Variants in MARCHF1 observed in about 807,000 individuals in gnomAD.
MARCHF1 encodes the protein E3 ubiquitin-protein ligase MARCHF1.
A neutral mutation model predicts 54.2 loss-of-function variants in MARCHF1; 40 were observed. The ratio of observed to expected loss-of-function variants is 0.74; its 90% CI spans 0.57 to 0.96. MARCHF1 has a LOEUF of 0.96. Among genes scored for constraint, MARCHF1 ranks in the 40% least tolerant of loss-of-function variants. MARCHF1 has a pLI of 0.00. For missense variants in MARCHF1, 586 were observed against 656.5 expected (o/e 0.89, Z 1.17); for synonymous variants, 236 against 236.3 (o/e 1.00, Z 0.01).
At position 164,119,908 on chromosome 4, in the gene MARCHF1, ATCAT is replaced by A. The variant is rs1475683907; in HGVS notation, c.-322-8250_-322-8247del. Among the ~76,000 whole-genome samples the A allele has an allele frequency of 9.9e-5, 15 of 152,156 alleles. No homozygotes were observed. In the South Asian group the frequency reaches 2.3e-3, roughly 23 times the overall value. On this transcript the variant is annotated intron_variant, in intron 1 of 9. Coordinates refer to ENST00000514618, the MANE Select transcript of MARCHF1 (RefSeq NM_001394959.1). The stretch of plus-strand genomic sequence containing the variant: ...TCAGATTTTTTCACAAATGAAATCA[ATCAT>A]TCATAGACCTAATAATGCCAATAGT...
intron 1 of MARCHF1, among the ~76,000 whole-genome samples, chr4:164,228,345 A>C (rs1732315653): frequency 6.6e-6 from 1 of 152,210 alleles, no homozygotes; most frequent in Non-Finnish European, 1.5e-5. Flanking sequence ...CTATAGACTG[A>C]ATTAAACACA....
intron 5 of MARCHF1, among the ~76,000 whole-genome samples, chr4:163,641,634 G>A (rs1334130103): frequency 6.6e-6 from 1 of 152,184 alleles, no homozygotes; most frequent in African/African-American, 2.4e-5. Context: ...CCTTTCTGAA[G>A]TCCTAAGAGG....
At chr4:164,304,251 A>C (rs774106295) in intron 1 of MARCHF1, among the ~76,000 whole-genome samples, 3 of 152,224 alleles carry the variant, frequency 2.0e-5, no homozygotes, top group Non-Finnish European at 4.4e-5. Flanking sequence ...ACACAGAACA[A>C]GTTACAGGGG....
intron 1 of MARCHF1, among the ~76,000 whole-genome samples, chr4:164,176,966 C>CCATA (rs1730688881): frequency 2.1e-5 from 1 of 46,736 alleles, no homozygotes; most frequent in Non-Finnish European, 3.8e-5. Flanking sequence ...CTCTCTCTCT[C>CCATA]TCTCTCTCTC....
intron 9 of MARCHF1, among the ~76,000 whole-genome samples, chr4:163,533,207 G>A (rs186544186): frequency 1.3e-5 from 2 of 152,006 alleles, no homozygotes; most frequent in East Asian, 3.9e-4. Context: ...AAAAGGACAC[G>A]AAGAAACCTT....
At chr4:163,731,863 C>T (rs1451299764) in intron 4 of MARCHF1, among the ~76,000 whole-genome samples, 1 of 152,056 alleles carries the variant, frequency 6.6e-6, no homozygotes, top group African/African-American at 2.4e-5. Context: ...GTCAAATGAT[C>T]CAAGAATAAA....
intron 2 of MARCHF1, among the ~76,000 whole-genome samples, chr4:164,002,522 G>A (rs974415240): frequency 6.6e-5 from 10 of 151,248 alleles, no homozygotes; most frequent in Non-Finnish European, 1.2e-4. Context: ...CCAAACCATA[G>A]CGCCAAAAAA....
chr4:164,320,774 T>C (rs1366371933), intron 1 of MARCHF1, among the ~76,000 whole-genome samples: 2 of 151,568 alleles, frequency 1.3e-5, no homozygotes, highest in Non-Finnish European at 2.9e-5. Flanking sequence ...GGATATGTCC[T>C]TAAAATGTGA....
At chr4:163,969,734 A>G (rs1752512558) in intron 3 of MARCHF1, among the ~76,000 whole-genome samples, 2 of 152,336 alleles carry the variant, frequency 1.3e-5, no homozygotes, top group South Asian at 4.1e-4. Flanking sequence ...CATGTAGCTT[A>G]TTAATCAATG....
chr4:163,792,021 G>T (rs922795346), intron 4 of MARCHF1, among the ~76,000 whole-genome samples: 1 of 152,136 alleles, frequency 6.6e-6, no homozygotes, highest in Non-Finnish European at 1.5e-5. Context: ...TAATGGATCT[G>T]GTGCTGAAGC....
chr4:164,365,333 T>A (rs2110938508), intron 1 of MARCHF1, among the ~76,000 whole-genome samples: 1 of 152,214 alleles, frequency 6.6e-6, no homozygotes, highest in Middle Eastern at 3.4e-3. Context: ...TCCATTCGAC[T>A]GTTTTAAATT....
At chr4:163,938,516 C>T (rs1751847524) in intron 3 of MARCHF1, among the ~76,000 whole-genome samples, 1 of 152,086 alleles carries the variant, frequency 6.6e-6, no homozygotes, top group Admixed American at 6.6e-5. Context: ...AATTACGTAG[C>T]CTCTAGCTCT....
intron 1 of MARCHF1, among the ~76,000 whole-genome samples, chr4:164,127,787 A>G (rs1167644792): frequency 1.2e-4 from 18 of 152,192 alleles, no homozygotes; most frequent in Admixed American, 1.2e-3. Flanking sequence ...AATCCAAGGT[A>G]AGACAGAAAT....
At chr4:163,778,882 A>G (rs1438826320) in intron 4 of MARCHF1, among the ~76,000 whole-genome samples, 1 of 152,126 alleles carries the variant, frequency 6.6e-6, no homozygotes, top group Admixed American at 6.6e-5. Context: ...GTATATGATG[A>G]GAGATTATGT....
intron 5 of MARCHF1, among the ~76,000 whole-genome samples, chr4:163,631,693 G>T (rs2036906): frequency 6.6e-6 from 1 of 152,044 alleles, no homozygotes; most frequent in African/African-American, 2.4e-5. Context: ...GTTTAATTAA[G>T]AATATATTTA....
intron 2 of MARCHF1, among the ~76,000 whole-genome samples, chr4:164,076,601 T>C (rs1293794527): frequency 6.6e-6 from 1 of 152,148 alleles, no homozygotes; most frequent in Non-Finnish European, 1.5e-5. Flanking sequence ...AGTCAAATTG[T>C]CTCTGCAGAG....
intron 3 of MARCHF1, among the ~76,000 whole-genome samples, chr4:163,883,258 TGAGAGAGAGA>T (rs55714281): frequency 3.0e-4 from 44 of 145,550 alleles, no homozygotes; most frequent in East Asian, 1.6e-3. Flanking sequence ...TATATATATA[TGAGAGAGAGA>T]GAGAGAGAGA....
intron 5 of MARCHF1, among the ~76,000 whole-genome samples, chr4:163,654,481 C>T (rs1579162065): frequency 6.6e-6 from 1 of 151,630 alleles, no homozygotes; most frequent in East Asian, 1.9e-4. Flanking sequence ...GGCCTCTATT[C>T]CTCTATTTCT....
rs114511100 is a variant in MARCHF1 at position 164,197,151 on chromosome 4, G to A, written c.-322-85489C>T. On this transcript the variant is annotated intron_variant, in intron 1 of 9. Coordinates refer to ENST00000514618, the MANE Select transcript of MARCHF1 (RefSeq NM_001394959.1). ...CTTCACCTTCCTCCTCCTCCTCCTCGCCCTCCTCATCTTCCACTACCTGAG... is the reference window on the plus strand; with the variant it reads ...CTTCACCTTCCTCCTCCTCCTCCTCACCCTCCTCATCTTCCACTACCTGAG... The A allele has an allele frequency of 1.3e-5, 21 of 1,602,362 alleles. No homozygotes were observed. The East Asian group carries it at 4.0e-4, about 31-fold the overall frequency.
Sources: allele counts gnomAD v4.1 joint callset (sites outside exome capture counted in the v4.1 genomes callset), GRCh38; gene constraint gnomAD v4.1.1; transcripts MANE v1.5; gene names NCBI Gene and HGNC (gene_info 2026-07-23, HGNC 2026-07-21).